FLI1: variants seen among roughly 807,000 people sequenced by gnomAD.
FLI1 encodes Friend leukemia integration 1 transcription factor.
A neutral mutation model predicts 53.1 loss-of-function variants in FLI1; 13 were observed. The ratio of observed to expected loss-of-function variants is 0.24; its 90% confidence interval spans 0.16 to 0.39. The LOEUF is 0.39. Among genes scored for constraint, FLI1 ranks in the 10% least tolerant of loss-of-function variants. The pLI is 1.00. For synonymous variants in FLI1, 244 were observed against 236.7 expected (o/e 1.03, Z -0.28); for missense variants, 424 against 600.5 (o/e 0.71, Z 3.07).
chr11:128,752,699 ATCT>A (rs1940700594), intron 1 of FLI1, among the ~76,000 whole-genome samples: 2 of 152,202 alleles, frequency 1.3e-5, no homozygotes, highest in African/African-American at 4.8e-5. Flanking sequence ...CCATTTTCTC[ATCT>A]GAAAAAATAG....
chr11:128,810,497 C>A lies in FLI1; in HGVS notation c.868C>A (p.Leu290Met). Residue 290 changes from leucine (L) to methionine (M), a missense_variant, in exon 9 of 9, where the codon CTG becomes ATG. Leu to Met is a conservative substitution (Grantham distance 15). Transcript: ENST00000527786. The surrounding 1 kb of genome is among the most constrained non-coding windows in gnomAD (Gnocchi z 6.6). ...CCAGCTGTGGCAATTCCTCCTGGAG[C>A]TGCTCTCCGACAGCGCCAACGCCAG... is the stretch of plus-strand genomic sequence containing the variant. Reference protein sequence around the residue: ...QIQLWQFLLELLSDSANASCI... With the variant: ...QIQLWQFLLEMLSDSANASCI... 6.2e-7 allele frequency: 1 copy of A among 1,604,500 alleles called. No homozygotes were observed. The highest frequency in any genetic ancestry group is 8.5e-7 in the Non-Finnish European group (1 of 1,175,348).
At chr11:128,701,243 C>G (rs1293494626) in intron 1 of FLI1, among the ~76,000 whole-genome samples, 1 of 152,168 alleles carries the variant, frequency 6.6e-6, no homozygotes, top group Admixed American at 6.5e-5. Context: ...CATGAGCAAT[C>G]TTTTCAATTG....
chr11:128,733,671 G>A (rs1472936026), intron 1 of FLI1, among the ~76,000 whole-genome samples: 1 of 152,234 alleles, frequency 6.6e-6, no homozygotes, highest in African/African-American at 2.4e-5. Flanking sequence ...TTATGCATGT[G>A]TGATATAAGA....
intron 1 of FLI1, among the ~76,000 whole-genome samples, chr11:128,742,906 A>G (rs767348815): frequency 6.6e-6 from 1 of 152,230 alleles, no homozygotes; most frequent in Non-Finnish European, 1.5e-5. Flanking sequence ...GTTCATGATT[A>G]AAAGAAGCAA....
intron 5 of FLI1, among the ~76,000 whole-genome samples, chr11:128,795,559 A>T (rs1488089169): frequency 1.5e-5 from 2 of 136,440 alleles, no homozygotes; most frequent in Non-Finnish European, 3.1e-5. Flanking sequence ...ATAGAAAGCA[A>T]TTTTTTTTTT....
chr11:128,775,328 G>A (rs865781022), intron 4 of FLI1, among the ~76,000 whole-genome samples: 6 of 149,936 alleles, frequency 4.0e-5, no homozygotes, highest in South Asian at 2.1e-4. Flanking sequence ...GTCTGCCTGC[G>A]AAAGCAAAAA....
At chr11:128,809,046 T>A in intron 7 of FLI1, 111 bp from the exon 8 acceptor site, 1 of 789,764 alleles carries the variant, frequency 1.3e-6, no homozygotes, top group Non-Finnish European at 2.0e-6. Context: ...GAAATCAGTC[T>A]TTCCTGTGAT....
chr11:128,776,625 T>C (rs1941735649), intron 4 of FLI1, among the ~76,000 whole-genome samples: 1 of 152,192 alleles, frequency 6.6e-6, no homozygotes, highest in African/African-American at 2.4e-5. Context: ...CACTCTGGCC[T>C]GGGCGATAGA....
At chr11:128,694,960 G>A (rs1428130198) in intron 1 of FLI1, among the ~76,000 whole-genome samples, 6 of 152,140 alleles carry the variant, frequency 3.9e-5, no homozygotes, top group African/African-American at 1.4e-4. Context: ...CTCTCCGGCG[G>A]GGAACCTTCC....
Position 128,767,225 on chromosome 11 carries a change from G to C in FLI1, c.231-893G>C, listed in dbSNP as rs76590146. On this transcript the variant is annotated intron_variant, in intron 2 of 8. Transcript: ENST00000527786. ...AGTTCTAGGCTAAGTTGGATGATCT[G>C]CTTTCTCTCTTGTGAATGTCCATAC... Among the ~76,000 whole-genome samples, 637 of 152,326 alleles carry C rather than the reference G, an allele frequency of 4.2e-3. 2 individuals are homozygous for C. Among genetic ancestry groups the C allele is most frequent in the African/African-American group, 0.014 (600 of 41,572 alleles).
chr11:128,686,170 A>T, upstream of FLI1: 1 of 360,416 alleles, frequency 2.8e-6, no homozygotes, highest in Non-Finnish European at 5.5e-6. Context: ...CTGAGGGGCG[A>T]GTGTTGGCAG....
At chr11:128,772,714 G>A in intron 3 of FLI1, 68 bp from the exon 4 acceptor site, 1 of 1,276,538 alleles carries the variant, frequency 7.8e-7, no homozygotes, top group Non-Finnish European at 1.1e-6. Flanking sequence ...GGTGAGGGAG[G>A]CTGCCTAGGC....
At position 128,766,791 on chromosome 11, in the gene FLI1, C is replaced by T. The variant is rs184734501; in HGVS notation, c.231-1327C>T. Among the ~76,000 whole-genome samples, 348 of 151,998 alleles carry T rather than the reference C, an allele frequency of 2.3e-3. 4 individuals carry two copies. The highest frequency in any genetic ancestry group is 6.8e-3 in the Middle Eastern group (2 of 294). ...GAGGACAGTGGCCAGGCCTTTGGAA[C>T]GTCCGGAGAGGTTATGCGGCCTAGA... On this transcript the variant is annotated intron_variant, in intron 2 of 8. Coordinates refer to ENST00000527786, the MANE Select transcript of FLI1 (RefSeq NM_002017.5).
At chr11:128,770,204 G>T (rs1426600313) in intron 3 of FLI1, among the ~76,000 whole-genome samples, 3 of 152,200 alleles carry the variant, frequency 2.0e-5, no homozygotes, top group Non-Finnish European at 2.9e-5. Context: ...AAAACATCAG[G>T]CTTGGCTGAG....
intron 5 of FLI1, among the ~76,000 whole-genome samples, chr11:128,788,012 A>G (rs914391426): frequency 1.3e-4 from 20 of 150,574 alleles, no homozygotes; most frequent in Non-Finnish European, 1.9e-4. Flanking sequence ...GGGTTTCACC[A>G]CGTTAGCCAG....
chr11:128,735,739 T>C (rs1204088376), intron 1 of FLI1, among the ~76,000 whole-genome samples: 1 of 152,150 alleles, frequency 6.6e-6, no homozygotes, highest in Non-Finnish European at 1.5e-5. Flanking sequence ...CTTATGAACT[T>C]CCTAGGGCTT....
intron 5 of FLI1, among the ~76,000 whole-genome samples, chr11:128,787,275 T>C (rs1184090971): frequency 6.6e-6 from 1 of 152,172 alleles, no homozygotes; most frequent in Non-Finnish European, 1.5e-5. Context: ...CACCATGAGA[T>C]GAGAAGGCTG....
At chr11:128,790,297 CAGAG>C (rs1041083816) in intron 5 of FLI1, among the ~76,000 whole-genome samples, 15 of 140,512 alleles carry the variant, frequency 1.1e-4, no homozygotes, top group Non-Finnish European at 1.7e-4. Flanking sequence ...GAGAGAGAGA[CAGAG>C]AGAGAGAGAG....
intron 4 of FLI1, among the ~76,000 whole-genome samples, chr11:128,779,901 C>T (rs1941856132): frequency 6.6e-6 from 1 of 152,222 alleles, no homozygotes; most frequent in South Asian, 2.1e-4. Context: ...CAGCCTGTGG[C>T]TCCTAGCTTA....
Sources: gnomAD v4.1 joint callset for allele counts (sites outside exome capture counted in the v4.1 genomes callset) on GRCh38, gnomAD v4.1.1 for gene constraint, Gnocchi (gnomAD v3.1) non-coding constraint, MANE v1.5 for transcripts, NCBI Gene and HGNC (gene_info 2026-07-23, HGNC 2026-07-21) for gene names.